Variants in CNTN2 observed in about 807,000 individuals in gnomAD.
The protein encoded by CNTN2 is contactin 2.
CNTN2 carries 53 observed loss-of-function variants against 117.5 expected under a neutral mutation model. The ratio of observed to expected loss-of-function variants is 0.45; its 90% confidence interval spans 0.36 to 0.57. The LOEUF is 0.57. Among genes scored for constraint, CNTN2 ranks in the 20% least tolerant of loss-of-function variants. CNTN2 has a pLI of 0.00. For synonymous variants in CNTN2, 530 were observed against 561.7 expected (o/e 0.94, Z 0.80); for missense variants, 1,106 against 1,404.3 (o/e 0.79, Z 3.39).
intron 19 of CNTN2, 54 bp from the exon 20 acceptor site, chr1:205,071,893 G>C (rs530286885): frequency 2.6e-6 from 4 of 1,530,578 alleles, no homozygotes; most frequent in Non-Finnish European, 3.5e-6. Context: ...GGCCGGGGCA[G>C]CCCTGAGATC....
In CNTN2 at chr1:205,074,944, C is replaced by G. The variant is rs1180013611; in HGVS notation, c.*1179C>G. The stretch of plus-strand genomic sequence containing the variant: ...GGAGAAAAAGGGGTTAATAAATGGG[C>G]CATCCTTTCCTGAGCTCTGGGTATA... On this transcript the variant is annotated 3_prime_UTR_variant, in exon 23 of 23. Transcript: ENST00000331830. 2 of 398,524 alleles carry G rather than the reference C, an allele frequency of 5.0e-6. No homozygotes were observed. The highest frequency in any genetic ancestry group is 4.4e-6 in the Non-Finnish European group (1 of 226,132). 24.7% of individuals were successfully genotyped at this position (398,524 alleles called of 1,614,324 possible). A position where few individuals can be genotyped will look rare whatever the true frequency, so the allele number is the denominator to read the frequency against.
Position 205,073,357 on chromosome 1 carries a change from G to A in CNTN2, c.3013+121G>A. On this transcript the variant is annotated intron_variant, in intron 22 of 22. Coordinates refer to ENST00000331830, the MANE Select transcript of CNTN2 (RefSeq NM_005076.5). This position sits in a 1 kb window ranked among gnomAD's most constrained non-coding sequence, Gnocchi z 6.3. ...ACCCGCAAAGGAAAGTGGAAGGCAG[G>A]CAGGAACCAAGTGCAAAGTAGTCTT... 1 of 1,268,466 alleles carries A rather than the reference G, an allele frequency of 7.9e-7. No individual in the cohort carries two copies. Among genetic ancestry groups the A allele is most frequent in the Non-Finnish European group, 1.1e-6 (1 of 914,986 alleles). The allele number at this position is 1,268,466 out of a possible 1,614,324, so 78.6% of individuals were successfully genotyped here.
At position 205,065,225 on chromosome 1, in the gene CNTN2, T is replaced by C. The variant is rs756032965; in HGVS notation, c.1658T>C (p.Phe553Ser). 3 of 1,613,960 alleles carry C rather than the reference T, an allele frequency of 1.9e-6. No homozygotes were observed. Among genetic ancestry groups the C allele is most frequent in the Non-Finnish European group, 2.5e-6 (3 of 1,180,000 alleles). Residue 553 changes from phenylalanine (F) to serine (S), a missense_variant, in exon 13 of 23, where the codon TTT becomes TCT. Transcript: ENST00000331830. This position sits in a 1 kb window ranked among gnomAD's most constrained non-coding sequence, Gnocchi z 4.1. Reference protein sequence around the residue: ...TWTLDDFPIDFDKPGGHYRRT... With the variant: ...TWTLDDFPIDSDKPGGHYRRT... ...ACCCTGGACGACTTCCCCATCGACTTTGATAAGCCTGGAGGGCACTACCGG... is the reference window on the plus strand; with the variant it reads ...ACCCTGGACGACTTCCCCATCGACTCTGATAAGCCTGGAGGGCACTACCGG...
Position 205,059,556 on chromosome 1 carries a change from C to G in CNTN2, c.698-27C>G. 1.9e-6 allele frequency: 3 copies of G among 1,608,214 alleles called. No individual in the cohort carries two copies. The East Asian group carries it at 6.7e-5, about 36-fold the overall frequency. On this transcript the variant is annotated intron_variant, in intron 6 of 22. Coordinates refer to ENST00000331830, the MANE Select transcript of CNTN2 (RefSeq NM_005076.5). The surrounding 1 kb of genome is among the most constrained non-coding windows in gnomAD (Gnocchi z 5.6). ...GCACCTGACCTGGAGTCATCTGCAT[C>G]TGATTTGTAAAACCCTCTCTCCCCA...
At chr1:205,070,638 T>C in intron 19 of CNTN2, 100 bp downstream of exon 19, 1 of 809,048 alleles carries the variant, frequency 1.2e-6, no homozygotes, top group Middle Eastern at 2.3e-4. Context: ...CTGGCGTCCC[T>C]GGTTCGCTGA....
rs1451863323 is a variant in CNTN2 at position 205,061,338 on chromosome 1, C to T, written c.891C>T (p.Ser297=). 1 of 1,614,082 alleles carries T rather than the reference C, an allele frequency of 6.2e-7. No homozygotes were observed. Among genetic ancestry groups the T allele is most frequent in the Non-Finnish European group, 8.5e-7 (1 of 1,179,980 alleles). ...AEPTLQIPSV[S]FEDEGTYECE... ...CCACCCTGCAGATCCCCAGCGTCAG[C>T]TTTGAGGATGAGGGCACCTACGAGT... Residue 297 remains serine, a synonymous_variant, in exon 8 of 23, where the codon AGC becomes AGT. Transcript: ENST00000331830. The surrounding 1 kb of genome is among the most constrained non-coding windows in gnomAD (Gnocchi z 4.8).
At position 205,048,517 on chromosome 1, in the gene CNTN2, T is replaced by C. The variant is rs1404698701; in HGVS notation, c.-86-4583T>C. On this transcript the variant is annotated intron_variant, in intron 1 of 22. Coordinates refer to ENST00000331830, the MANE Select transcript of CNTN2 (RefSeq NM_005076.5). This position sits in a 1 kb window ranked among gnomAD's most constrained non-coding sequence, Gnocchi z 4.1. ...CAGCCTGTGCTTGCCTGTGCCAGTCTGTGCCTGCACCCCTGCACCAGGGCA... is the reference window on the plus strand; with the variant it reads ...CAGCCTGTGCTTGCCTGTGCCAGTCCGTGCCTGCACCCCTGCACCAGGGCA... Among the ~76,000 whole-genome samples the C allele has an allele frequency of 6.6e-6, 1 of 152,150 alleles. No individual in the cohort carries two copies. Among genetic ancestry groups the C allele is most frequent in the Non-Finnish European group, 1.5e-5 (1 of 68,010 alleles).
chr1:205,061,449 C>T lies in CNTN2; in HGVS notation c.973+29C>T, dbSNP rs1319669235. On this transcript the variant is annotated intron_variant, in intron 8 of 22. Transcript: ENST00000331830. The surrounding 1 kb of genome is among the most constrained non-coding windows in gnomAD (Gnocchi z 4.8). ...CAGAGCCAGGGACACCTTCTCCGCC[C>T]CTCCCGACCCCCCTTCCCGCCTTCA... The T allele has an allele frequency of 1.3e-6, 2 of 1,545,148 alleles. No homozygotes were observed. The highest frequency in any genetic ancestry group is 2.7e-5 in the African/African-American group (2 of 73,664).
intron 1 of CNTN2, among the ~76,000 whole-genome samples, chr1:205,045,156 G>A (rs1475888883): frequency 1.3e-5 from 2 of 152,142 alleles, no homozygotes; most frequent in Admixed American, 6.5e-5. Context: ...TTATGCAGAT[G>A]AGTGCCTCAG....
At position 205,070,637 on chromosome 1, in the gene CNTN2, C is replaced by G. The variant is rs1041891517; in HGVS notation, c.2544+99C>G. The G allele has an allele frequency of 5.0e-6, 4 of 807,488 alleles. No homozygotes were observed. In the African/African-American group the frequency reaches 5.1e-5, roughly 10 times the overall value. The allele number at this position is 807,488 out of a possible 1,614,324, so 50.0% of individuals were successfully genotyped here. A position where few individuals can be genotyped will look rare whatever the true frequency, so the allele number is the denominator to read the frequency against. Reference sequence around the variant, plus strand: ...CCACTAATCATTCCTCCTGGCGTCCCTGGTTCGCTGACATGGCAAACTGAG... The same window carrying G: ...CCACTAATCATTCCTCCTGGCGTCCGTGGTTCGCTGACATGGCAAACTGAG... On this transcript the variant is annotated intron_variant, in intron 19 of 22. Coordinates refer to ENST00000331830, the MANE Select transcript of CNTN2 (RefSeq NM_005076.5).
intron 1 of CNTN2, among the ~76,000 whole-genome samples, chr1:205,045,555 T>C (rs1169170527): frequency 3.9e-5 from 6 of 152,290 alleles, no homozygotes; most frequent in Non-Finnish European, 8.8e-5. Context: ...GGAGGATGCA[T>C]GGTGCCCTCT....
Position 205,058,673 on chromosome 1 carries a change from G to C in CNTN2, c.487+10G>C. 4 of 1,607,956 alleles carry C rather than the reference G, an allele frequency of 2.5e-6. No homozygotes were observed. Among genetic ancestry groups the C allele is most frequent in the Non-Finnish European group, 3.4e-6 (4 of 1,175,238 alleles). On this transcript the variant is annotated intron_variant, in intron 5 of 22. Coordinates refer to ENST00000331830, the MANE Select transcript of CNTN2 (RefSeq NM_005076.5). This position sits in a 1 kb window ranked among gnomAD's most constrained non-coding sequence, Gnocchi z 4.3. ...CCTGCCCACTACCCAGGTGAGTCCA[G>C]ACCTGGGGCCAGGGTTAGAGAGGGC...
At position 205,058,055 on chromosome 1, in the gene CNTN2, G is replaced by A. The variant is rs779805855; in HGVS notation, c.205G>A (p.Ala69Thr). Residue 69 changes from alanine (A) to threonine (T), a missense_variant, in exon 3 of 23, where the codon GCC becomes ACC. Coordinates refer to ENST00000331830, the MANE Select transcript of CNTN2 (RefSeq NM_005076.5). The surrounding 1 kb of genome is among the most constrained non-coding windows in gnomAD (Gnocchi z 4.3). ...LACRARASPP[A>T]TYRWKMNGTE... Reference sequence around the variant, plus strand: ...ATGCCGCGCCCGGGCCAGCCCTCCAGCCACCTATCGGTAAGGCCTCTGCAG... The same window carrying A: ...ATGCCGCGCCCGGGCCAGCCCTCCAACCACCTATCGGTAAGGCCTCTGCAG... 4 of 1,613,448 alleles carry A rather than the reference G, an allele frequency of 2.5e-6. No homozygotes were observed. The highest frequency in any genetic ancestry group is 2.7e-5 in the African/African-American group (2 of 74,934).
chr1:205,066,625 G>A (rs759743670), intron 15 of CNTN2, 26 bp downstream of exon 15: 2 of 1,611,816 alleles, frequency 1.2e-6, no homozygotes, highest in Non-Finnish European at 1.7e-6. Context: ...ACCTGGGTCA[G>A]TGCTGATAAG....
At chr1:205,071,556 C>A (rs1654593526) in intron 19 of CNTN2, among the ~76,000 whole-genome samples, 1 of 152,162 alleles carries the variant, frequency 6.6e-6, no homozygotes, top group African/African-American at 2.4e-5. Flanking sequence ...ATTTATTAGG[C>A]AACCTTCAGA....
rs781274368 is a variant in CNTN2, at chr1:205,065,837, G to T, written c.1744G>T (p.Gly582Trp). Residue 582 changes from glycine to tryptophan, a missense_variant, in exon 14 of 23, where the codon GGG becomes TGG. Coordinates refer to ENST00000331830, the MANE Select transcript of CNTN2 (RefSeq NM_005076.5). The surrounding 1 kb of genome is among the most constrained non-coding windows in gnomAD (Gnocchi z 4.1). ...LTILNAQLRH[G>W]GKYTCMAQTV... ...CATCCTGAACGCCCAGCTGCGCCATGGGGGGAAGTACACGTGCATGGCCCA... is the reference window on the plus strand; with the variant it reads ...CATCCTGAACGCCCAGCTGCGCCATTGGGGGAAGTACACGTGCATGGCCCA... 3 of 1,603,616 alleles carry T rather than the reference G, an allele frequency of 1.9e-6. No individual in the cohort carries two copies. The highest frequency in any genetic ancestry group is 1.1e-5 in the South Asian group (1 of 90,878).
At chr1:205,049,768 C>T (rs1473472270) in intron 1 of CNTN2, among the ~76,000 whole-genome samples, 1 of 152,218 alleles carries the variant, frequency 6.6e-6, no homozygotes, top group East Asian at 1.9e-4. Context: ...CACACCAGTG[C>T]CAACGGGGTG....
At position 205,059,054 on chromosome 1, in the gene CNTN2, C is replaced by T. The variant is rs778860746; in HGVS notation, c.488-30C>T. ...GAGTGGCCCTGTTAGCCCAGCACCC[C>T]CTGGTTTCCTCAAACTCCTCACATC... On this transcript the variant is annotated intron_variant, in intron 5 of 22. Coordinates refer to ENST00000331830, the MANE Select transcript of CNTN2 (RefSeq NM_005076.5). This position sits in a 1 kb window ranked among gnomAD's most constrained non-coding sequence, Gnocchi z 5.6. 6.8e-6 allele frequency: 11 copies of T among 1,608,882 alleles called. No individual in the cohort carries two copies. The African/African-American group carries it at 1.2e-4, about 18-fold the overall frequency.
intron 19 of CNTN2, 28 bp from the exon 20 acceptor site, chr1:205,071,919 A>T: frequency 6.3e-7 from 1 of 1,591,746 alleles, no homozygotes; most frequent in Non-Finnish European, 8.5e-7. Context: ...CTTGACTACT[A>T]CCCCTTGGGT....
Sources: allele counts gnomAD v4.1 joint callset (sites outside exome capture counted in the v4.1 genomes callset), GRCh38; gene constraint gnomAD v4.1.1; non-coding constraint Gnocchi (gnomAD v3.1); transcripts MANE v1.5; gene names NCBI Gene and HGNC (gene_info 2026-07-23, HGNC 2026-07-21).